MALRD1: variants seen among roughly 807,000 people sequenced by gnomAD.
MALRD1 encodes the protein MAM and LDL receptor class A domain containing 1, also known as MAM and LDL-receptor class A domain-containing protein 1.
A neutral mutation model predicts 242.1 loss-of-function variants in MALRD1; 247 were observed. The ratio of observed to expected loss-of-function variants is 1.02; its 90% CI spans 0.92 to 1.13. MALRD1 has a LOEUF of 1.13. Ranked by LOEUF, MALRD1 falls within the 50% of genes most tolerant of loss-of-function variation. The pLI is 0.00. For synonymous variants in MALRD1, 995 were observed against 866.6 expected, an observed-to-expected ratio of 1.15 and a Z score of -2.60; for missense variants, 2,989 against 2,533.1, an observed-to-expected ratio of 1.18 and a Z score of -3.86.
At chr10:19,293,909 T>C (rs1275516254) in intron 21 of MALRD1, among the ~76,000 whole-genome samples, 1 of 152,096 alleles carries the variant, frequency 6.6e-6, no homozygotes, top group Non-Finnish European at 1.5e-5. Flanking sequence ...CCTAAATGTT[T>C]ACAAAAAAAC....
At chr10:19,544,008 A>G (rs995854508) in intron 32 of MALRD1, among the ~76,000 whole-genome samples, 1 of 152,084 alleles carries the variant, frequency 6.6e-6, no homozygotes, top group African/African-American at 2.4e-5. Flanking sequence ...TATAAACACT[A>G]TATGGCTGAA....
At chr10:19,056,084 T>C (rs1428619474) in intron 1 of MALRD1, among the ~76,000 whole-genome samples, 1 of 152,180 alleles carries the variant, frequency 6.6e-6, no homozygotes, top group Non-Finnish European at 1.5e-5. Flanking sequence ...TTTTATGTTT[T>C]GATTATAGTT....
intron 21 of MALRD1, among the ~76,000 whole-genome samples, chr10:19,316,295 T>C (rs75740812): frequency 1.9e-3 from 288 of 151,826 alleles, no homozygotes; most frequent in Non-Finnish European, 3.3e-3. Context: ...TGCAGGATAT[T>C]AGGATCAGAT....
rs149025241 is a variant in MALRD1 at position 19,615,922 on chromosome 10, C to T, written c.6136C>T (p.Arg2046Ter). ...AGTGGAGAAAAATGGTCCTATGTGT[C>T]GGTAAGAAGCATTGTTTAATTTTTT... ...CVVEKNGPMC[R>*]CRQGWKGNRC... is the part of the protein sequence containing the mutation. Residue 2046 changes from arginine to a stop codon, truncating the protein, a stop_gained and splice_region_variant, in exon 36 of 40, where the codon CGA becomes TGA. Transcript: ENST00000454679. LOFTEE classifies it high-confidence loss of function. 4.5e-5 allele frequency: 68 copies of T among 1,518,418 alleles called. 1 individual carries two copies. The highest frequency in any genetic ancestry group is 3.5e-4 in the East Asian group (14 of 40,246). The allele number at this position is 1,518,418 out of a possible 1,614,324, so 94.1% of individuals were successfully genotyped here. A position where few individuals can be genotyped will look rare whatever the true frequency, so the allele number is the denominator to read the frequency against.
In MALRD1 at chr10:19,209,358, C is replaced by T. The variant is rs893095214; in HGVS notation, c.2669C>T (p.Pro890Leu). Residue 890 changes from proline to leucine, a missense_variant, in exon 18 of 40, where the codon CCA becomes CTA. Coordinates refer to ENST00000454679, the MANE Select transcript of MALRD1 (RefSeq NM_001142308.3). The stretch of plus-strand genomic sequence containing the variant: ...TTTGATTGGACCAGGAGCCAGGGTC[C>T]AACTCCAACACTTAACACAGGGCCA... ...DDFDWTRSQG[P>L]TPTLNTGPMK... 28 of 1,550,672 alleles carry T rather than the reference C, an allele frequency of 1.8e-5. No homozygotes were observed. The highest frequency in any genetic ancestry group is 2.4e-5 in the Non-Finnish European group (28 of 1,147,044).
chr10:19,522,081 G>A (rs74118981), intron 31 of MALRD1, among the ~76,000 whole-genome samples: 13,000 of 151,918 alleles, frequency 0.086, 601 homozygotes, highest in South Asian at 0.11. Flanking sequence ...TCACACTGAC[G>A]CAAGATTAAT....
chr10:19,314,169 T>A (rs528356151), intron 21 of MALRD1, among the ~76,000 whole-genome samples: 2 of 151,710 alleles, frequency 1.3e-5, no homozygotes, highest in East Asian at 3.9e-4. Context: ...GTTAAAAATG[T>A]GTGCATTGGT....
chr10:19,600,714 G>A (rs1442979404), intron 34 of MALRD1, among the ~76,000 whole-genome samples: 1 of 152,118 alleles, frequency 6.6e-6, no homozygotes, highest in African/African-American at 2.4e-5. Context: ...AATCGATTAA[G>A]AAATTTTGCT....
intron 36 of MALRD1, among the ~76,000 whole-genome samples, chr10:19,674,214 C>T (rs1352187197): frequency 1.3e-5 from 2 of 152,256 alleles, no homozygotes; most frequent in East Asian, 1.9e-4. Flanking sequence ...ATGGCGTAAC[C>T]TCATCTCCAG....
rs1283875099 is a variant in MALRD1, at chr10:19,685,611, A to C, written c.6138-6671A>C. On this transcript the variant is annotated intron_variant, in intron 36 of 39. Transcript: ENST00000454679. ...GGCTTGGAACATGAACTGATGGAAA[A>C]GTTTGCAATGCCATCAAAGTTATTT... 2.0e-5 allele frequency among the ~76,000 whole-genome samples: 3 copies of C among 152,162 alleles called. No individual in the cohort carries two copies. In the East Asian group the frequency reaches 5.8e-4, roughly 29 times the overall value.
intron 23 of MALRD1, among the ~76,000 whole-genome samples, chr10:19,329,068 A>T (rs891328396): frequency 6.6e-6 from 1 of 152,210 alleles, no homozygotes; most frequent in Non-Finnish European, 1.5e-5. Flanking sequence ...TAATTTAGCC[A>T]TTCTGAATTT....
In MALRD1 at chr10:19,133,258, A is replaced by G. The variant is rs372526915; in HGVS notation, c.1111-598A>G. Among the ~76,000 whole-genome samples, 19 of 152,308 alleles carry G rather than the reference A, an allele frequency of 1.2e-4. No homozygotes were observed. In the East Asian group the frequency reaches 3.3e-3, roughly 26 times the overall value. On this transcript the variant is annotated intron_variant, in intron 8 of 39. Coordinates refer to ENST00000454679, the MANE Select transcript of MALRD1 (RefSeq NM_001142308.3). Reference sequence around the variant, plus strand: ...AGATTTTGCAATCTGAAAAATGATCATTGTACAGGTACATAACATAGATTT... The same window carrying G: ...AGATTTTGCAATCTGAAAAATGATCGTTGTACAGGTACATAACATAGATTT...
intron 38 of MALRD1, among the ~76,000 whole-genome samples, chr10:19,713,236 T>A (rs1035378003): frequency 2.0e-5 from 3 of 152,198 alleles, no homozygotes. Flanking sequence ...ATTCTTATCA[T>A]CAACAGACAT....
intron 38 of MALRD1, among the ~76,000 whole-genome samples, chr10:19,698,797 T>C (rs939140425): frequency 2.0e-5 from 3 of 152,174 alleles, no homozygotes; most frequent in African/African-American, 7.2e-5. Flanking sequence ...TGAAAGTAGA[T>C]GGCCACTGGA....
intron 32 of MALRD1, among the ~76,000 whole-genome samples, chr10:19,536,022 G>A (rs1009977201): frequency 1.3e-5 from 2 of 152,208 alleles, no homozygotes; most frequent in African/African-American, 4.8e-5. Flanking sequence ...ATTGTAGACT[G>A]TGGGAGTATG....
At chr10:19,640,119 C>T (rs1486148401) in intron 36 of MALRD1, among the ~76,000 whole-genome samples, 3 of 152,042 alleles carry the variant, frequency 2.0e-5, no homozygotes, top group Non-Finnish European at 4.4e-5. Context: ...GAAAGAGTTT[C>T]GCTCTTGTCA....
At chr10:19,087,214 G>A (rs1280001937) in intron 2 of MALRD1, among the ~76,000 whole-genome samples, 1 of 152,004 alleles carries the variant, frequency 6.6e-6, no homozygotes, top group Non-Finnish European at 1.5e-5. Flanking sequence ...TCATCGAATT[G>A]CTTATTTTGG....
At chr10:19,397,134 G>T (rs747440637) in intron 28 of MALRD1, among the ~76,000 whole-genome samples, 25 of 151,954 alleles carry the variant, frequency 1.6e-4, no homozygotes, top group Non-Finnish European at 2.6e-4. Context: ...TAGCTATTTT[G>T]AAATACATAT....
At chr10:19,433,871 A>AACACAC (rs144149293) in intron 28 of MALRD1, among the ~76,000 whole-genome samples, 1 of 150,364 alleles carries the variant, frequency 6.7e-6, no homozygotes, top group Non-Finnish European at 1.5e-5. Context: ...TTATATGGCA[A>AACACAC]ACACACACAC....
Sources: gnomAD v4.1 joint callset for allele counts (sites outside exome capture counted in the v4.1 genomes callset) on GRCh38, gnomAD v4.1.1 for gene constraint, MANE v1.5 for transcripts, NCBI Gene and HGNC (gene_info 2026-07-23, HGNC 2026-07-21) for gene names.